ATAD1: variants seen among roughly 807,000 people sequenced by gnomAD.
ATAD1 encodes the protein outer mitochondrial transmembrane helix translocase.
In ATAD1, 18 loss-of-function variants were observed where a neutral mutation model predicts 42.7. The observed-to-expected ratio is 0.42, with a 90% CI of 0.29 to 0.63. The LOEUF is 0.63. ATAD1 is among the 20% of genes least tolerant of loss of function. The probability of loss-of-function intolerance (pLI) is 0.19; values close to 1 mark genes in which losing one functional copy is unlikely to be tolerated. For missense variants in ATAD1, 294 were observed against 440.4 expected, an observed-to-expected ratio of 0.67 and a Z score of 2.98; for synonymous variants, 132 against 143.1, an observed-to-expected ratio of 0.92 and a Z score of 0.55.
At chr10:87,818,099 G>A (rs945711975) in intron 1 of ATAD1, 68 bp downstream of exon 1, 1 of 985,320 alleles carries the variant, frequency 1.0e-6, no homozygotes. Flanking sequence ...GGTCCGAGAC[G>A]GTCCTTAAAG....
chr10:87,791,511 GATTT>G (rs1856113945), intron 3 of ATAD1, among the ~76,000 whole-genome samples: 1 of 152,054 alleles, frequency 6.6e-6, no homozygotes, highest in South Asian at 2.1e-4. Flanking sequence ...TGTTAGTACA[GATTT>G]ATTCAGAAAT....
intron 1 of ATAD1, among the ~76,000 whole-genome samples, chr10:87,827,223 T>TTTAATAAAA (rs1236639135): frequency 3.5e-4 from 54 of 152,320 alleles, no homozygotes; most frequent in African/African-American, 1.3e-3. Context: ...TATTTAATAA[T>TTTAATAAAA]TTAATAAAAT....
intron 1 of ATAD1, 99 bp from the exon 2 acceptor site, chr10:87,814,711 C>T: frequency 6.5e-6 from 6 of 922,428 alleles, no homozygotes; most frequent in Non-Finnish European, 8.6e-6. Context: ...AAACTAACTT[C>T]TAGTCAAATT....
At chr10:87,790,507 AC>A in intron 3 of ATAD1, 77 bp from the exon 4 acceptor site, 1 of 1,416,858 alleles carries the variant, frequency 7.1e-7, no homozygotes, top group Middle Eastern at 2.5e-4. Context: ...TCCCAAAATT[AC>A]AAATGTTAAT....
At chr10:87,780,175 A>G (rs1163394060) in intron 5 of ATAD1, among the ~76,000 whole-genome samples, 4 of 152,210 alleles carry the variant, frequency 2.6e-5, no homozygotes, top group Non-Finnish European at 4.4e-5. Context: ...GAGGAAACTT[A>G]AATGCATATT....
intron 2 of ATAD1, among the ~76,000 whole-genome samples, chr10:87,801,326 TTA>T (rs1359954204): frequency 2.0e-5 from 3 of 152,158 alleles, no homozygotes; most frequent in Non-Finnish European, 2.9e-5. Flanking sequence ...AAATGATAAA[TTA>T]TGTCTTTTTT....
intron 1 of ATAD1, among the ~76,000 whole-genome samples, chr10:87,838,829 A>C (rs1016125693): frequency 1.3e-5 from 2 of 152,210 alleles, no homozygotes; most frequent in African/African-American, 4.8e-5. Context: ...CCAGGAGTTA[A>C]ATCAGCTGGC....
At position 87,797,184 on chromosome 10, in the gene ATAD1, T is replaced by C. The variant is rs1472040563; in HGVS notation, c.163-4429A>G. Reference sequence around the variant, plus strand: ...GTCAGTGATCATATTGTTGGGTTTTTTGTTGTTTGTTTGTTCTGGTCTTTC... The same window carrying C: ...GTCAGTGATCATATTGTTGGGTTTTCTGTTGTTTGTTTGTTCTGGTCTTTC... On this transcript the variant is annotated intron_variant, in intron 2 of 9. Transcript: ENST00000680024. Among the ~76,000 whole-genome samples, 4 of 152,334 alleles carry C rather than the reference T, an allele frequency of 2.6e-5. No individual in the cohort carries two copies. In the East Asian group the frequency reaches 7.7e-4, roughly 29 times the overall value.
chr10:87,838,644 G>C (rs952507563), intron 1 of ATAD1, among the ~76,000 whole-genome samples: 10 of 152,082 alleles, frequency 6.6e-5, no homozygotes, highest in African/African-American at 2.4e-4. Context: ...AGGCCTTTGA[G>C]AGGTAATTAG....
Position 87,809,726 on chromosome 10 carries a change from G to A in ATAD1, c.162+4712C>T, listed in dbSNP as rs112795597. On this transcript the variant is annotated intron_variant, in intron 2 of 9. Coordinates refer to ENST00000680024, the MANE Select transcript of ATAD1 (RefSeq NM_001321967.2). ...GGCTGGAGTGCAATGGCGCAATCTC[G>A]GCTCATTGTAACCCCCGCCTCCTGG... 2.5e-3 allele frequency among the ~76,000 whole-genome samples: 380 copies of A among 151,524 alleles called. 3 individuals carry two copies. The highest frequency in any genetic ancestry group is 8.8e-3 in the African/African-American group (364 of 41,286).
intron 7 of ATAD1, among the ~76,000 whole-genome samples, chr10:87,768,673 CTT>C (rs1734964926): frequency 6.6e-6 from 1 of 152,130 alleles, no homozygotes; most frequent in Non-Finnish European, 1.5e-5. Flanking sequence ...TTATAATAAA[CTT>C]GATAAAACCT....
intron 4 of ATAD1, among the ~76,000 whole-genome samples, chr10:87,786,722 C>A (rs1379644677): frequency 6.6e-6 from 1 of 151,876 alleles, no homozygotes; most frequent in East Asian, 1.9e-4. Flanking sequence ...TTTGGGAGGG[C>A]GAGGTGGGCA....
At chr10:87,814,888 ATATCT>A (rs1857345097) in intron 1 of ATAD1, 1 of 200,580 alleles carries the variant, frequency 5.0e-6, no homozygotes, top group Non-Finnish European at 1.0e-5. Context: ...AATACAGTAA[ATATCT>A]TAAGGTATTT....
At chr10:87,756,104 A>G (rs2131748695) in intron 9 of ATAD1, among the ~76,000 whole-genome samples, 1 of 152,310 alleles carries the variant, frequency 6.6e-6, no homozygotes, top group Middle Eastern at 3.4e-3. Flanking sequence ...ACAGGCAAGG[A>G]GTGAAATCCC....
chr10:87,840,289 G>A (rs1858007811), intron 1 of ATAD1, among the ~76,000 whole-genome samples: 1 of 152,154 alleles, frequency 6.6e-6, no homozygotes, highest in Non-Finnish European at 1.5e-5. Flanking sequence ...TTTGAGATGA[G>A]CCTGGGCAAC....
chr10:87,798,253 AG>A (rs1284991030), intron 2 of ATAD1, among the ~76,000 whole-genome samples: 1 of 152,154 alleles, frequency 6.6e-6, no homozygotes, highest in Non-Finnish European at 1.5e-5. Context: ...TAAAAACCCT[AG>A]GCCACAGCTC....
chr10:87,776,477 C>A, intron 5 of ATAD1, 50 bp from the exon 6 acceptor site: 1 of 1,486,184 alleles, frequency 6.7e-7, no homozygotes, highest in South Asian at 1.1e-5. Flanking sequence ...AATTATTTAC[C>A]CTTTTTTTTG....
chr10:87,781,666 G>C (rs1353214519), intron 5 of ATAD1, among the ~76,000 whole-genome samples: 2 of 152,074 alleles, frequency 1.3e-5, no homozygotes, highest in East Asian at 3.9e-4. Context: ...TTGAAGATGG[G>C]GTCTTGCTCT....
chr10:87,771,837 A>T lies in ATAD1; in HGVS notation c.691-796T>A, dbSNP rs575672756. On this transcript the variant is annotated intron_variant, in intron 6 of 9. Transcript: ENST00000680024. Reference sequence around the variant, plus strand: ...AAGTTAATTTCTGAAGGACATCAATATTACCTTTACTGTTGATACTTCAGT... The same window carrying T: ...AAGTTAATTTCTGAAGGACATCAATTTTACCTTTACTGTTGATACTTCAGT... 2.2e-4 allele frequency among the ~76,000 whole-genome samples: 34 copies of T among 152,314 alleles called. No homozygotes were observed. In the South Asian group the frequency reaches 5.6e-3, roughly 25 times the overall value.
Sources: allele counts gnomAD v4.1 joint callset (sites outside exome capture counted in the v4.1 genomes callset), GRCh38; gene constraint gnomAD v4.1.1; transcripts MANE v1.5; gene names NCBI Gene and HGNC (gene_info 2026-07-23, HGNC 2026-07-21).